The following PXDNL variants were observed in gnomAD, a reference collection of about 807,000 sequenced individuals.
The protein encoded by PXDNL is probable oxidoreductase PXDNL.
Under a neutral mutation model 150.8 loss-of-function variants are expected in PXDNL, and 145 were observed. The observed-to-expected ratio is 0.96, with a 90% CI of 0.84 to 1.10. The LOEUF is 1.10. Ranked by LOEUF, PXDNL falls within the 50% of genes least tolerant of loss-of-function variation. The pLI, the probability that PXDNL is intolerant of heterozygous loss-of-function variation, is 0.00. For missense variants in PXDNL, 2,087 were observed against 1,873.9 expected, an observed-to-expected ratio of 1.11 and a Z score of -2.10; for synonymous variants, 757 against 725.7, an observed-to-expected ratio of 1.04 and a Z score of -0.69.
intron 5 of PXDNL, among the ~76,000 whole-genome samples, chr8:51,493,450 T>C (rs1256423450): frequency 6.6e-6 from 1 of 151,918 alleles, no homozygotes; most frequent in Non-Finnish European, 1.5e-5. Flanking sequence ...TTTTGACGAA[T>C]TGAGAGAAGG....
At chr8:51,563,879 T>C (rs1284255944) in intron 3 of PXDNL, among the ~76,000 whole-genome samples, 2 of 152,046 alleles carry the variant, frequency 1.3e-5, no homozygotes, top group African/African-American at 4.8e-5. Flanking sequence ...CTATTATCTA[T>C]AAAAATTCCA....
Position 51,498,198 on chromosome 8 carries a change from G to A in PXDNL, c.452+1501C>T, listed in dbSNP as rs1319031293. 1.2e-4 allele frequency among the ~76,000 whole-genome samples: 18 copies of A among 149,260 alleles called. 1 individual carries two copies. The highest frequency in any genetic ancestry group is 3.7e-4 in the African/African-American group (15 of 40,716). ...TCGCAAGGACAGAAAACGAAACACCGCATGTTGTCACTCATAGGTGGGAAT... is the reference window on the plus strand; with the variant it reads ...TCGCAAGGACAGAAAACGAAACACCACATGTTGTCACTCATAGGTGGGAAT... On this transcript the variant is annotated intron_variant, in intron 5 of 22. Coordinates refer to ENST00000356297, the MANE Select transcript of PXDNL (RefSeq NM_144651.5).
Position 51,554,180 on chromosome 8 carries a change from G to A in PXDNL, c.380+2660C>T, listed in dbSNP as rs1812553870. On this transcript the variant is annotated intron_variant, in intron 4 of 22. Coordinates refer to ENST00000356297, the MANE Select transcript of PXDNL (RefSeq NM_144651.5). ...CTTACCACTTGCATTCCTCAAATTA[G>A]GGGCACAATCCACACCTAAGCCCAC... 2.0e-5 allele frequency among the ~76,000 whole-genome samples: 3 copies of A among 152,286 alleles called. No homozygotes were observed. In the South Asian group the frequency reaches 6.2e-4, roughly 32 times the overall value.
At chr8:51,521,688 G>A (rs1811667516) in intron 4 of PXDNL, among the ~76,000 whole-genome samples, 1 of 151,912 alleles carries the variant, frequency 6.6e-6, no homozygotes, top group Admixed American at 6.6e-5. Flanking sequence ...ACCAAAAACT[G>A]CATCTATGCA....
At chr8:51,533,628 C>G (rs1355465708) in intron 4 of PXDNL, among the ~76,000 whole-genome samples, 1 of 150,302 alleles carries the variant, frequency 6.7e-6, no homozygotes, top group East Asian at 2.0e-4. Flanking sequence ...CGAGTGCCTG[C>G]GGACGCCGCC....
intron 8 of PXDNL, among the ~76,000 whole-genome samples, chr8:51,468,600 G>T (rs768043322): frequency 8.6e-5 from 13 of 151,746 alleles, no homozygotes; most frequent in Non-Finnish European, 1.6e-4. Context: ...TATTTCTGAT[G>T]AGTTATTTTA....
At chr8:51,471,494 A>G (rs181736744) in intron 8 of PXDNL, among the ~76,000 whole-genome samples, 1 of 152,314 alleles carries the variant, frequency 6.6e-6, no homozygotes, top group African/African-American at 2.4e-5. Flanking sequence ...CTGATTTACC[A>G]TAGGAAAGTT....
At chr8:51,486,768 A>G (rs866742019) in intron 5 of PXDNL, among the ~76,000 whole-genome samples, 43 of 8,218 alleles carry the variant, frequency 5.2e-3, no homozygotes, top group African/African-American at 0.012. Flanking sequence ...ATATATATAT[A>G]TATATATATA....
intron 4 of PXDNL, among the ~76,000 whole-genome samples, chr8:51,505,213 C>T (rs1811258817): frequency 6.6e-6 from 1 of 152,118 alleles, no homozygotes; most frequent in African/African-American, 2.4e-5. Flanking sequence ...AGGTATCAGG[C>T]CACCAAAGAG....
chr8:51,662,349 C>A (rs1225816767), intron 1 of PXDNL, among the ~76,000 whole-genome samples: 3 of 151,154 alleles, frequency 2.0e-5, no homozygotes, highest in Non-Finnish European at 4.4e-5. Flanking sequence ...GAAACCCAGT[C>A]TCTACTGAAA....
intron 17 of PXDNL, among the ~76,000 whole-genome samples, chr8:51,395,758 T>G (rs1808062792): frequency 6.6e-6 from 1 of 152,198 alleles, no homozygotes; most frequent in African/African-American, 2.4e-5. Flanking sequence ...CTATGTTCCT[T>G]CTTGCTTGCT....
intron 1 of PXDNL, among the ~76,000 whole-genome samples, chr8:51,785,922 T>G (rs2037456646): frequency 6.6e-6 from 1 of 152,212 alleles, no homozygotes; most frequent in South Asian, 2.1e-4. Flanking sequence ...CTCTGTACCT[T>G]AGACCAGAGC....
intron 18 of PXDNL, among the ~76,000 whole-genome samples, chr8:51,372,480 G>A (rs910034712): frequency 5.9e-5 from 9 of 152,170 alleles, no homozygotes; most frequent in Non-Finnish European, 7.3e-5. Context: ...TACCTCCCGA[G>A]TTCACGCAAC....
intron 2 of PXDNL, among the ~76,000 whole-genome samples, chr8:51,623,284 C>T (rs1307891264): frequency 1.3e-5 from 2 of 152,162 alleles, no homozygotes; most frequent in African/African-American, 2.4e-5. Context: ...TTGGCACCAC[C>T]CCTAAGGTAG....
chr8:51,732,858 C>T (rs1291472713), intron 1 of PXDNL, among the ~76,000 whole-genome samples: 1 of 152,138 alleles, frequency 6.6e-6, no homozygotes, highest in Non-Finnish European at 1.5e-5. Context: ...AATTTAATTA[C>T]CTCCCACTAG....
At chr8:51,596,721 T>C (rs1472796767) in intron 2 of PXDNL, among the ~76,000 whole-genome samples, 1 of 152,134 alleles carries the variant, frequency 6.6e-6, no homozygotes, top group Non-Finnish European at 1.5e-5. Context: ...GATGTCTCTG[T>C]TCATGTCCTT....
intron 4 of PXDNL, among the ~76,000 whole-genome samples, chr8:51,553,975 A>G (rs887186851): frequency 6.6e-6 from 1 of 152,080 alleles, no homozygotes; most frequent in Non-Finnish European, 1.5e-5. Context: ...GAATCGAAGT[A>G]TGTTACTTCA....
intron 17 of PXDNL, among the ~76,000 whole-genome samples, chr8:51,380,535 CTTT>C (rs1807499417): frequency 6.6e-6 from 1 of 152,188 alleles, no homozygotes; most frequent in Admixed American, 6.5e-5. Context: ...TGTTAGACTT[CTTT>C]ACCTTTTCTT....
chr8:51,730,753 G>A (rs542056955), intron 1 of PXDNL, among the ~76,000 whole-genome samples: 1 of 152,330 alleles, frequency 6.6e-6, no homozygotes, highest in South Asian at 2.1e-4. Flanking sequence ...CATGGCTGGG[G>A]AGGCCTCACA....
Sources: gnomAD v4.1 joint callset for allele counts (sites outside exome capture counted in the v4.1 genomes callset) on GRCh38, gnomAD v4.1.1 for gene constraint, MANE v1.5 for transcripts, NCBI Gene and HGNC (gene_info 2026-07-23, HGNC 2026-07-21) for gene names.